Variants in CREBRF observed in about 807,000 individuals in gnomAD.
CREBRF encodes the protein UPF0474 protein C5orf41.
CREBRF carries 5 observed loss-of-function variants against 66.1 expected under a neutral mutation model. The ratio of observed to expected loss-of-function variants is 0.08; its 90% CI spans 0.04 to 0.16. The LOEUF is 0.16. Among genes scored for constraint, CREBRF ranks in the 10% least tolerant of loss-of-function variants. The pLI is 1.00. For synonymous variants in CREBRF, 229 were observed against 264.4 expected (o/e 0.87, Z 1.30); for missense variants, 531 against 744.9 (o/e 0.71, Z 3.34).
chr5:173,136,024 A>G lies in CREBRF; in HGVS notation c.*2279A>G, dbSNP rs1759581912. On this transcript the variant is annotated 3_prime_UTR_variant, in exon 9 of 9. Transcript: ENST00000296953. ...ACACAGGCTTGCAAGTTGGAAGTAT[A>G]TGAAGTCTTGACAGAGTGTGTCTGG... The G allele has an allele frequency of 6.6e-6, 1 of 152,042 alleles. No individual in the cohort carries two copies. The highest frequency in any genetic ancestry group is 1.5e-5 in the Non-Finnish European group (1 of 67,934). The allele number at this position is 152,042 out of a possible 1,614,324, so 9.4% of individuals were successfully genotyped here.
At chr5:173,068,388 T>C (rs541106706) in intron 1 of CREBRF, among the ~76,000 whole-genome samples, 1 of 152,348 alleles carries the variant, frequency 6.6e-6, no homozygotes, top group East Asian at 1.9e-4. Context: ...TTAGAAACTA[T>C]GCAAGGTGTT....
At chr5:173,116,763 CATAAG>C (rs1450809825) in intron 7 of CREBRF, among the ~76,000 whole-genome samples, 6 of 152,162 alleles carry the variant, frequency 3.9e-5, no homozygotes, top group South Asian at 2.1e-4. Flanking sequence ...ATGATTGATT[CATAAG>C]ATAAGTGTAT....
rs145769264 is a variant in CREBRF, at chr5:173,091,205, C to T, written c.1026C>T (p.Ser342=). ...KEEHNYSLFV[S]DNLGEQPTKC... ...AGCACAATTATTCTCTTTTTGTCTC[C>T]GACAACTTGGGTGAACAGCCAACTA... is the stretch of plus-strand genomic sequence containing the variant. Residue 342 remains serine, a synonymous_variant, in exon 4 of 9, where the codon TCC becomes TCT. Transcript: ENST00000296953. The T allele has an allele frequency of 3.2e-5, 51 of 1,613,972 alleles. No homozygotes were observed. Among genetic ancestry groups the T allele is most frequent in the Non-Finnish European group, 3.6e-5 (42 of 1,180,040 alleles).
At chr5:173,063,952 C>T (rs1297107372) in intron 1 of CREBRF, among the ~76,000 whole-genome samples, 5 of 151,900 alleles carry the variant, frequency 3.3e-5, no homozygotes, top group African/African-American at 7.3e-5. Flanking sequence ...GAACTCCTGA[C>T]CTCAAGCGAT....
chr5:173,064,531 T>A lies in CREBRF; in HGVS notation c.-192+8052T>A, dbSNP rs549586282. Among the ~76,000 whole-genome samples, 142 of 150,760 alleles carry A rather than the reference T, an allele frequency of 9.4e-4. 1 individual carries two copies. The highest frequency in any genetic ancestry group is 3.5e-3 in the Middle Eastern group (1 of 288). On this transcript the variant is annotated intron_variant, in intron 1 of 8. Transcript: ENST00000296953. ...CCTGAGCCTCCTGACTATCTGGGAC[T>A]ACAGGTGCGCACCACCACACCTGGT...
intron 1 of CREBRF, among the ~76,000 whole-genome samples, chr5:173,059,088 G>C (rs1393910949): frequency 2.6e-5 from 4 of 151,826 alleles, no homozygotes; most frequent in African/African-American, 9.7e-5. Flanking sequence ...GTGAGCTACT[G>C]CGCCCGGCCT....
chr5:173,062,459 C>G (rs1050024324), intron 1 of CREBRF, among the ~76,000 whole-genome samples: 3 of 152,118 alleles, frequency 2.0e-5, no homozygotes, highest in South Asian at 4.1e-4. Flanking sequence ...AAACAAAAAG[C>G]CTTCATTCTA....
rs1427128819 is a variant in CREBRF, at chr5:173,117,821, G to A, written c.1682-5259G>A. 4.7e-5 allele frequency among the ~76,000 whole-genome samples: 7 copies of A among 149,326 alleles called. No homozygotes were observed. The East Asian group carries it at 9.8e-4, about 21-fold the overall frequency. ...TGCCTCCCAGGTTCAAGCGATTCTCGTGCCTCAGCCTCCCAAGTAGCTGGG... is the reference window on the plus strand; with the variant it reads ...TGCCTCCCAGGTTCAAGCGATTCTCATGCCTCAGCCTCCCAAGTAGCTGGG... On this transcript the variant is annotated intron_variant, in intron 7 of 8. Coordinates refer to ENST00000296953, the MANE Select transcript of CREBRF (RefSeq NM_153607.3).
chr5:173,061,157 G>A (rs746705913), intron 1 of CREBRF, among the ~76,000 whole-genome samples: 45 of 152,188 alleles, frequency 3.0e-4, no homozygotes, highest in Non-Finnish European at 6.0e-4. Context: ...TAGTAGAGAC[G>A]GGGTTTCACT....
chr5:173,106,781 C>A (rs575766480), intron 4 of CREBRF, among the ~76,000 whole-genome samples: 42 of 150,394 alleles, frequency 2.8e-4, no homozygotes, highest in Non-Finnish European at 5.8e-4. Context: ...TGGAGTCTTG[C>A]TCTTGTTGTC....
intron 6 of CREBRF, among the ~76,000 whole-genome samples, chr5:173,111,544 C>T (rs1758870683): frequency 6.6e-6 from 1 of 152,196 alleles, no homozygotes; most frequent in Non-Finnish European, 1.5e-5. Context: ...TTCTTTCACT[C>T]AACATGACAC....
At chr5:173,123,334 A>C in intron 8 of CREBRF, 132 bp downstream of exon 8, 1 of 768,930 alleles carries the variant, frequency 1.3e-6, no homozygotes, top group Non-Finnish European at 2.0e-6. Context: ...CTCCTTTATG[A>C]GTAGTTTTAT....
At chr5:173,078,492 ATT>A (rs1023819154) in intron 1 of CREBRF, among the ~76,000 whole-genome samples, 6 of 150,398 alleles carry the variant, frequency 4.0e-5, no homozygotes, top group Non-Finnish European at 7.4e-5. Context: ...ATAAATATAT[ATT>A]TATTATTCGT....
chr5:173,056,697 C>T (rs984161371), intron 1 of CREBRF, among the ~76,000 whole-genome samples: 3 of 152,014 alleles, frequency 2.0e-5, no homozygotes, highest in Non-Finnish European at 2.9e-5. Context: ...TCCCCCACCC[C>T]CGGCCCGGGA....
chr5:173,063,386 G>A (rs1372524549), intron 1 of CREBRF, among the ~76,000 whole-genome samples: 7 of 151,770 alleles, frequency 4.6e-5, no homozygotes, highest in African/African-American at 1.2e-4. Flanking sequence ...TATTTTTTTT[G>A]AGACAGAGTC....
At chr5:173,085,364 T>A (rs2113722361) in intron 2 of CREBRF, 1 of 1,267,982 alleles carries the variant, frequency 7.9e-7, no homozygotes, top group East Asian at 2.3e-5. Context: ...CGGCTCTTCT[T>A]CGATCCTGGA....
chr5:173,112,604 A>G (rs945104993), intron 7 of CREBRF, among the ~76,000 whole-genome samples: 2 of 152,312 alleles, frequency 1.3e-5, no homozygotes, highest in South Asian at 2.1e-4. Flanking sequence ...TCTCATCTTT[A>G]CACTAACAAG....
intron 2 of CREBRF, chr5:173,085,228 T>C (rs6881304): frequency 0.65 from 251,938 of 389,096 alleles, 83,582 homozygotes; most frequent in African/African-American, 0.7. Flanking sequence ...CAGGCTTGAG[T>C]CACTGCCCCC....
At chr5:173,056,814 C>T (rs1422968549) in intron 1 of CREBRF, among the ~76,000 whole-genome samples, 2 of 151,892 alleles carry the variant, frequency 1.3e-5, no homozygotes, top group East Asian at 1.9e-4. Flanking sequence ...GCCGCCCGGC[C>T]CTTCCCCGCT....
Sources: allele counts gnomAD v4.1 joint callset (sites outside exome capture counted in the v4.1 genomes callset), GRCh38; gene constraint gnomAD v4.1.1; transcripts MANE v1.5; gene names NCBI Gene and HGNC (gene_info 2026-07-23, HGNC 2026-07-21).